The following ENTPD7 variants were observed in gnomAD, a reference collection of about 807,000 sequenced individuals.
ENTPD7 encodes NTPDase 7.
In ENTPD7, 53 loss-of-function variants were observed where a neutral mutation model predicts 77.9. The observed-to-expected ratio is 0.68, with a 90% CI of 0.55 to 0.85. ENTPD7 has a LOEUF of 0.85. Ranked by LOEUF, ENTPD7 falls within the 40% of genes least tolerant of loss-of-function variation. The pLI, the probability that ENTPD7 is intolerant of heterozygous loss-of-function variation, is 0.00. For synonymous variants in ENTPD7, 248 were observed against 274.9 expected (o/e 0.90, Z 0.97); for missense variants, 636 against 743.7 (o/e 0.86, Z 1.68).
chr10:99,685,986 G>A (rs1302068017), intron 6 of ENTPD7, 91 bp downstream of exon 6: 4 of 761,228 alleles, frequency 5.3e-6, no homozygotes, highest in Middle Eastern at 2.5e-4. Context: ...TCTATATATC[G>A]GATTTTAATT....
chr10:99,682,167 T>C (rs2035761907), intron 5 of ENTPD7, among the ~76,000 whole-genome samples: 1 of 151,704 alleles, frequency 6.6e-6, no homozygotes, highest in Non-Finnish European at 1.5e-5. Context: ...TATTTCCTTA[T>C]TAGCTTAAAT....
intron 8 of ENTPD7, among the ~76,000 whole-genome samples, chr10:99,692,703 A>C (rs11817177): frequency 0.015 from 2,318 of 152,278 alleles, 46 homozygotes; most frequent in African/African-American, 0.051. Flanking sequence ...GGAAGATAAG[A>C]TGGAGCTAAA....
Position 99,669,842 on chromosome 10 carries a change from C to T in ENTPD7, c.191+8214C>T, listed in dbSNP as rs372161541. On this transcript the variant is annotated intron_variant, in intron 3 of 12. Coordinates refer to ENST00000370489, the MANE Select transcript of ENTPD7 (RefSeq NM_020354.5). ...TCGGCTCACTGCAAGCTCCGCCTCC[C>T]GGGTTCACGCCATTCTCCTGCCTCA... Among the ~76,000 whole-genome samples the T allele has an allele frequency of 8.8e-3, 1,319 of 150,164 alleles. 10 individuals carry two copies. The highest frequency in any genetic ancestry group is 0.013 in the Admixed American group (197 of 15,090).
intron 9 of ENTPD7, 141 bp downstream of exon 9, chr10:99,696,263 T>C: frequency 1.0e-6 from 1 of 967,540 alleles, no homozygotes; most frequent in Admixed American, 2.8e-5. Context: ...GGGTAGCATC[T>C]CTTAAAGACC....
chr10:99,663,229 T>C (rs1399763717), intron 3 of ENTPD7, among the ~76,000 whole-genome samples: 1 of 152,246 alleles, frequency 6.6e-6, no homozygotes, highest in Admixed American at 6.5e-5. Flanking sequence ...GAAATGTTCA[T>C]TGGGTATAGA....
chr10:99,680,675 C>T (rs192914399), intron 5 of ENTPD7, among the ~76,000 whole-genome samples: 4 of 152,072 alleles, frequency 2.6e-5, no homozygotes, highest in Admixed American at 6.5e-5. Context: ...CAACCTCTGC[C>T]CCCCAGGCCC....
At chr10:99,703,152 C>T (rs772532372) in intron 12 of ENTPD7, among the ~76,000 whole-genome samples, 2 of 152,174 alleles carry the variant, frequency 1.3e-5, no homozygotes, top group African/African-American at 4.8e-5. Flanking sequence ...GAATAAAGGA[C>T]GTGAGATGTT....
At chr10:99,661,688 C>T in intron 3 of ENTPD7, 60 bp downstream of exon 3, 1 of 1,432,974 alleles carries the variant, frequency 7.0e-7, no homozygotes, top group Non-Finnish European at 9.4e-7. Flanking sequence ...CTGTTTAACA[C>T]ACTACTGACT....
At position 99,679,707 on chromosome 10, in the gene ENTPD7, T is replaced by C. The variant is rs779696366; in HGVS notation, c.398-18T>C. The C allele has an allele frequency of 1.3e-6, 2 of 1,598,300 alleles. No individual in the cohort carries two copies. The highest frequency in any genetic ancestry group is 1.7e-6 in the Non-Finnish European group (2 of 1,174,784). On this transcript the variant is annotated intron_variant, in intron 4 of 12. Coordinates refer to ENST00000370489, the MANE Select transcript of ENTPD7 (RefSeq NM_020354.5). ...CTTTTTAAAGAAAGTTTTGTCTGTTTGTTTGTTTTAACTTAAGGAATCTCT... is the reference window on the plus strand; with the variant it reads ...CTTTTTAAAGAAAGTTTTGTCTGTTCGTTTGTTTTAACTTAAGGAATCTCT...
chr10:99,708,876 A>G lies in ENTPD7; in HGVS notation c.*4193A>G. 1.0e-6 allele frequency: 1 copy of G among 985,420 alleles called. No individual in the cohort carries two copies. Among genetic ancestry groups the G allele is most frequent in the South Asian group, 4.7e-5 (1 of 21,288 alleles). 61.0% of individuals were successfully genotyped at this position (985,420 alleles called of 1,614,324 possible). ...ATGCTCATTAACAGAATCTTTCTGC[A>G]AGTATAAACAGAATCTATTTTTTAT... On this transcript the variant is annotated 3_prime_UTR_variant, in exon 13 of 13. Coordinates refer to ENST00000370489, the MANE Select transcript of ENTPD7 (RefSeq NM_020354.5).
chr10:99,666,077 G>A (rs915024922), intron 3 of ENTPD7, among the ~76,000 whole-genome samples: 1 of 152,160 alleles, frequency 6.6e-6, no homozygotes, highest in Non-Finnish European at 1.5e-5. Flanking sequence ...GGGAGTGAAT[G>A]GTGAGCTGTA....
chr10:99,664,832 A>G (rs2035529186), intron 3 of ENTPD7, among the ~76,000 whole-genome samples: 1 of 152,194 alleles, frequency 6.6e-6, no homozygotes, highest in Admixed American at 6.5e-5. Flanking sequence ...GACTTAAACA[A>G]TAAGAATGCT....
chr10:99,696,565 G>A (rs1169800483), intron 9 of ENTPD7, among the ~76,000 whole-genome samples: 2 of 152,188 alleles, frequency 1.3e-5, no homozygotes, highest in Non-Finnish European at 2.9e-5. Flanking sequence ...AGCAAGCATA[G>A]TTAAAATTAA....
At position 99,704,460 on chromosome 10, in the gene ENTPD7, G is replaced by A. The variant is rs746528122; in HGVS notation, c.1592G>A (p.Arg531Gln). 28 of 1,613,912 alleles carry A rather than the reference G, an allele frequency of 1.7e-5. No homozygotes were observed. Among genetic ancestry groups the A allele is most frequent in the African/African-American group, 2.7e-5 (2 of 74,880 alleles). ...TCTTAATTCTTCCCTAGGGATCTTC[G>A]GCAGGAAGGTGTCCGACAAGCCCAT... ...KTRFLPLRDLRQEGVRQAHGS... is the reference protein window; with the variant it reads ...KTRFLPLRDLQQEGVRQAHGS... The change falls in exon 13 of 13, where the codon CGG (arginine) becomes CAG (glutamine). Residue 531 changes from arginine (R) to glutamine (Q), a missense_variant. Arg to Gln is a conservative substitution (Grantham distance 43). Around this residue, in one of 3 missense-constraint regions of ENTPD7, gnomAD observed 138 missense variants for 150.9 expected, o/e 0.91. Coordinates refer to ENST00000370489, the MANE Select transcript of ENTPD7 (RefSeq NM_020354.5).
chr10:99,711,200 C>T lies in ENTPD7; in HGVS notation c.*6517C>T. Reference sequence around the variant, plus strand: ...TTGTTTTTCCAAATGTACTCATCATCTGTAATAAAAGAAAAATGAAGTAAA... The same window carrying T: ...TTGTTTTTCCAAATGTACTCATCATTTGTAATAAAAGAAAAATGAAGTAAA... On this transcript the variant is annotated 3_prime_UTR_variant, in exon 13 of 13. Transcript: ENST00000370489. 1.0e-6 allele frequency: 1 copy of T among 985,300 alleles called. No individual in the cohort carries two copies. The highest frequency in any genetic ancestry group is 1.2e-6 in the Non-Finnish European group (1 of 829,842). 61.0% of individuals were successfully genotyped at this position (985,300 alleles called of 1,614,324 possible).
rs1403003661 is a variant in ENTPD7, at chr10:99,709,585, C to A, written c.*4902C>A. The A allele has an allele frequency of 1.0e-6, 1 of 984,492 alleles. No homozygotes were observed. The highest frequency in any genetic ancestry group is 1.2e-6 in the Non-Finnish European group (1 of 829,194). The allele number at this position is 984,492 out of a possible 1,614,324, so 61.0% of individuals were successfully genotyped here. A position where few individuals can be genotyped will look rare whatever the true frequency, so the allele number is the denominator to read the frequency against. On this transcript the variant is annotated 3_prime_UTR_variant, in exon 13 of 13. Coordinates refer to ENST00000370489, the MANE Select transcript of ENTPD7 (RefSeq NM_020354.5). ...TAGAATAGCAACAGTGAATATACCT[C>A]AAATTGAAAACTTTTAGGTTGTGTT...
intron 3 of ENTPD7, among the ~76,000 whole-genome samples, chr10:99,668,469 T>A (rs941769484): frequency 1.3e-5 from 2 of 152,192 alleles, no homozygotes; most frequent in Non-Finnish European, 1.5e-5. Flanking sequence ...TTGGGTAATC[T>A]TGGGCAGGTT....
At chr10:99,669,254 T>C (rs1340290337) in intron 3 of ENTPD7, among the ~76,000 whole-genome samples, 1 of 152,166 alleles carries the variant, frequency 6.6e-6, no homozygotes, top group Non-Finnish European at 1.5e-5. Context: ...ACATTGCATC[T>C]TTGTATTTTA....
intron 10 of ENTPD7, 85 bp downstream of exon 10, chr10:99,698,943 G>C: frequency 1.6e-6 from 2 of 1,254,106 alleles, no homozygotes; most frequent in Non-Finnish European, 2.2e-6. Context: ...TGTGCAAAGG[G>C]CTTTGCATAC....
Sources: gnomAD v4.1 joint callset for allele counts (sites outside exome capture counted in the v4.1 genomes callset) on GRCh38, gnomAD v4.1.1 for gene constraint, gnomAD v4.1.1 regional missense constraint, MANE v1.5 for transcripts, NCBI Gene and HGNC (gene_info 2026-07-23, HGNC 2026-07-21) for gene names.